The following SPECC1 variants were observed in gnomAD, a reference collection of about 807,000 sequenced individuals.
SPECC1 encodes cytospin-B.
A neutral mutation model predicts 104.1 loss-of-function variants in SPECC1; 62 were observed. The observed-to-expected ratio is 0.60, with a 90% confidence interval of 0.49 to 0.74. The LOEUF is 0.74. SPECC1 is among the 30% of genes least tolerant of loss of function. The pLI, the probability that SPECC1 is intolerant of heterozygous loss-of-function variation, is 0.00. For synonymous variants in SPECC1, 513 were observed against 501.6 expected, an observed-to-expected ratio of 1.02 and a Z score of -0.30; for missense variants, 1,306 against 1,310.5, an observed-to-expected ratio of 1.00 and a Z score of 0.05.
intron 1 of SPECC1, among the ~76,000 whole-genome samples, chr17:20,076,703 G>A (rs1003443787): frequency 6.6e-6 from 1 of 152,136 alleles, no homozygotes; most frequent in Admixed American, 6.6e-5. Context: ...TTTCAGATGT[G>A]GGATTACTGG....
intron 2 of SPECC1, among the ~76,000 whole-genome samples, chr17:20,100,226 A>C (rs1460352873): frequency 6.6e-6 from 1 of 152,092 alleles, no homozygotes; most frequent in Non-Finnish European, 1.5e-5. Flanking sequence ...ATAGGGCTTG[A>C]GGGAAGGAGC....
chr17:20,174,929 A>G (rs969502234), intron 3 of SPECC1, among the ~76,000 whole-genome samples: 38 of 151,882 alleles, frequency 2.5e-4, no homozygotes, highest in Admixed American at 9.8e-4. Flanking sequence ...TTTGGTCAAA[A>G]TTTTTTGAAA....
chr17:20,053,916 T>C (rs1005852112), intron 1 of SPECC1, among the ~76,000 whole-genome samples: 1 of 152,218 alleles, frequency 6.6e-6, no homozygotes, highest in African/African-American at 2.4e-5. Context: ...CACACCAGTA[T>C]ATAACCAATA....
chr17:20,186,331 A>C (rs906678599), intron 3 of SPECC1, among the ~76,000 whole-genome samples: 2 of 152,192 alleles, frequency 1.3e-5, no homozygotes, highest in Admixed American at 1.3e-4. Context: ...TAAAAAAAGC[A>C]ATGTACATGC....
At chr17:20,231,291 T>C (rs1431695974) in intron 5 of SPECC1, among the ~76,000 whole-genome samples, 1 of 152,164 alleles carries the variant, frequency 6.6e-6, no homozygotes, top group Non-Finnish European at 1.5e-5. Context: ...GGCTTAACTG[T>C]GATTGAGACC....
chr17:20,080,862 C>G (rs941651319), intron 1 of SPECC1, among the ~76,000 whole-genome samples: 10 of 152,132 alleles, frequency 6.6e-5, no homozygotes, highest in African/African-American at 1.9e-4. Context: ...GCCAGGCCCA[C>G]ATGATGGGAT....
intron 4 of SPECC1, among the ~76,000 whole-genome samples, chr17:20,225,162 G>A (rs1397755455): frequency 6.6e-6 from 1 of 152,190 alleles, no homozygotes; most frequent in African/African-American, 2.4e-5. Flanking sequence ...TGGTATCCAA[G>A]TTGCAAGACA....
intron 1 of SPECC1, among the ~76,000 whole-genome samples, chr17:20,023,037 A>G (rs1276420295): frequency 1.3e-5 from 2 of 152,224 alleles, no homozygotes; most frequent in Non-Finnish European, 2.9e-5. Flanking sequence ...AACAAACCCA[A>G]AAAACTATGG....
chr17:20,250,096 T>C (rs749776966), intron 9 of SPECC1, among the ~76,000 whole-genome samples: 27 of 152,158 alleles, frequency 1.8e-4, no homozygotes, highest in Non-Finnish European at 4.4e-5. Flanking sequence ...AAAACTGACA[T>C]CTTTCTTCTC....
At chr17:20,124,490 G>A (rs369717567) in intron 3 of SPECC1, among the ~76,000 whole-genome samples, 3 of 152,232 alleles carry the variant, frequency 2.0e-5, no homozygotes. Flanking sequence ...GGGCTGAATC[G>A]CTTTGGAGAT....
At chr17:20,067,895 A>G (rs1464769104) in intron 1 of SPECC1, among the ~76,000 whole-genome samples, 2 of 151,732 alleles carry the variant, frequency 1.3e-5, no homozygotes, top group African/African-American at 2.4e-5. Context: ...TGTGGCAGCC[A>G]CTCAAGTACT....
chr17:20,049,981 C>T (rs982316711), intron 1 of SPECC1, among the ~76,000 whole-genome samples: 30 of 152,050 alleles, frequency 2.0e-4, no homozygotes, highest in Non-Finnish European at 3.5e-4. Context: ...CCATGCCTGG[C>T]TAATTTTGTA....
At chr17:20,311,856 A>G (rs925631697) in intron 14 of SPECC1, among the ~76,000 whole-genome samples, 2 of 152,176 alleles carry the variant, frequency 1.3e-5, no homozygotes, top group African/African-American at 4.8e-5. Context: ...ACCACCTATA[A>G]AAACTATCTT....
At chr17:20,182,119 C>CTTTTTTTTTTT (rs57991209) in intron 3 of SPECC1, among the ~76,000 whole-genome samples, 4 of 136,578 alleles carry the variant, frequency 2.9e-5, no homozygotes, top group African/African-American at 1.1e-4. Context: ...CTTTCTTTTT[C>CTTTTTTTTTTT]TTTTTTTTTT....
Position 20,146,935 on chromosome 17 carries a change from A to G in SPECC1, c.283+36373A>G, listed in dbSNP as rs372680027. 3.6e-3 allele frequency among the ~76,000 whole-genome samples: 542 copies of G among 151,582 alleles called. 1 individual carries two copies. Among genetic ancestry groups the G allele is most frequent in the African/African-American group, 0.013 (524 of 41,160 alleles). ...AAACAAAACAAAACAAAACTGACAA[A>G]CTGTCTTTCAAAATGGTTGTACCAT... On this transcript the variant is annotated intron_variant, in intron 3 of 14. Coordinates refer to ENST00000395527, the MANE Select transcript of SPECC1 (RefSeq NM_001243439.2).
intron 2 of SPECC1, among the ~76,000 whole-genome samples, chr17:20,097,084 G>A (rs993841330): frequency 1.3e-5 from 2 of 152,280 alleles, no homozygotes; most frequent in East Asian, 3.9e-4. Context: ...CCCAAGCACG[G>A]CCCTGGATAG....
At chr17:20,028,607 A>G (rs1466036905) in intron 1 of SPECC1, among the ~76,000 whole-genome samples, 3 of 152,210 alleles carry the variant, frequency 2.0e-5, no homozygotes, top group Admixed American at 1.3e-4. Context: ...AGTCTTGATT[A>G]CTGTTGCTGT....
chr17:20,266,635 C>T (rs749877328), intron 12 of SPECC1, among the ~76,000 whole-genome samples: 1 of 152,168 alleles, frequency 6.6e-6, no homozygotes, highest in Non-Finnish European at 1.5e-5. Context: ...GTGAATGAAA[C>T]AGGCAACAGT....
At chr17:20,036,485 CATG>C (rs2045086856) in intron 1 of SPECC1, among the ~76,000 whole-genome samples, 2 of 152,160 alleles carry the variant, frequency 1.3e-5, no homozygotes, top group African/African-American at 4.8e-5. Context: ...TCATGTACAA[CATG>C]ATGTTTTGGA....
Sources: gnomAD v4.1 joint callset for allele counts (sites outside exome capture counted in the v4.1 genomes callset) on GRCh38, gnomAD v4.1.1 for gene constraint, MANE v1.5 for transcripts, NCBI Gene and HGNC (gene_info 2026-07-23, HGNC 2026-07-21) for gene names.